Variants in ZFAND3 observed in about 807,000 individuals in gnomAD.
ZFAND3 encodes zinc finger AN1-type containing 3, also known as AN1-type zinc finger protein 3.
Under a neutral mutation model 29.6 loss-of-function variants are expected in ZFAND3, and 10 were observed. That is an observed-to-expected ratio of 0.34 (90% CI 0.21 to 0.57). The LOEUF is 0.57. Among genes scored for constraint, ZFAND3 ranks in the 20% least tolerant of loss-of-function variants. ZFAND3 has a pLI of 0.86. For missense variants in ZFAND3, 230 were observed against 304.5 expected (o/e 0.76, Z 1.82); for synonymous variants, 128 against 112.6 (o/e 1.14, Z -0.87).
At chr6:37,978,507 T>C (rs1007191542) in intron 2 of ZFAND3, among the ~76,000 whole-genome samples, 2 of 152,194 alleles carry the variant, frequency 1.3e-5, no homozygotes, top group African/African-American at 4.8e-5. Flanking sequence ...TTAGAGTTGC[T>C]GTTGTTTCTT....
Position 38,152,260 on chromosome 6 carries a change from C to T in ZFAND3, c.555C>T (p.Arg185=). ...RCGYVFCMLH[R]LPEQHDCTFD... is the part of the protein sequence containing the mutation. ...GTTATGTGTTCTGTATGTTACATCG[C>T]CTCCCCGAGCAGCACGACTGCACAT... The change falls in exon 6 of 6, where the codon CGC becomes CGT. Residue 185 remains arginine, a synonymous_variant. Transcript: ENST00000287218. The T allele has an allele frequency of 6.3e-7, 1 of 1,575,140 alleles. No homozygotes were observed. The highest frequency in any genetic ancestry group is 8.6e-7 in the Non-Finnish European group (1 of 1,162,320).
intron 1 of ZFAND3, among the ~76,000 whole-genome samples, chr6:37,879,298 C>G (rs1764848535): frequency 6.6e-6 from 1 of 152,032 alleles, no homozygotes; most frequent in Non-Finnish European, 1.5e-5. Context: ...TCTGCTTTAC[C>G]TCTAATTCCA....
intron 2 of ZFAND3, among the ~76,000 whole-genome samples, chr6:37,963,931 G>A (rs987588707): frequency 6.6e-6 from 1 of 152,098 alleles, no homozygotes; most frequent in Non-Finnish European, 1.5e-5. Context: ...TCTCAATTAT[G>A]AGTCTGTTAT....
intron 1 of ZFAND3, among the ~76,000 whole-genome samples, chr6:37,847,966 A>G (rs1436785549): frequency 6.6e-6 from 1 of 152,260 alleles, no homozygotes; most frequent in Non-Finnish European, 1.5e-5. Flanking sequence ...GTGGCCTAAA[A>G]GCGTAAAATA....
intron 1 of ZFAND3, among the ~76,000 whole-genome samples, chr6:37,868,766 T>A (rs1764636194): frequency 6.6e-6 from 1 of 152,224 alleles, no homozygotes; most frequent in Non-Finnish European, 1.5e-5. Context: ...AGACTCCATT[T>A]GTTAGTGCAG....
chr6:37,878,658 G>A (rs1764837848), intron 1 of ZFAND3, among the ~76,000 whole-genome samples: 1 of 152,216 alleles, frequency 6.6e-6, no homozygotes. Context: ...CCTGCTGGTT[G>A]TGTAGTTTCT....
intron 1 of ZFAND3, among the ~76,000 whole-genome samples, chr6:37,913,258 ACTT>A (rs1028148923): frequency 6.6e-6 from 1 of 152,168 alleles, no homozygotes; most frequent in Non-Finnish European, 1.5e-5. Context: ...CCACAGTAGA[ACTT>A]CTTTCAGAAT....
At chr6:38,077,611 G>A (rs1412896140) in intron 3 of ZFAND3, among the ~76,000 whole-genome samples, 1 of 152,124 alleles carries the variant, frequency 6.6e-6, no homozygotes, top group Admixed American at 6.5e-5. Context: ...TCTAATTGAT[G>A]TGCTGTTATT....
chr6:37,903,741 A>C (rs1428762987), intron 1 of ZFAND3, among the ~76,000 whole-genome samples: 2 of 152,226 alleles, frequency 1.3e-5, no homozygotes, highest in Non-Finnish European at 2.9e-5. Flanking sequence ...TTAAACGTGC[A>C]ATTCATAAAA....
At chr6:37,877,715 C>T (rs1764818932) in intron 1 of ZFAND3, among the ~76,000 whole-genome samples, 1 of 152,140 alleles carries the variant, frequency 6.6e-6, no homozygotes, top group Non-Finnish European at 1.5e-5. Context: ...CCCAGGGAGG[C>T]TCACAACAAA....
chr6:38,030,051 GATATATATATAT>G (rs58560520), intron 2 of ZFAND3, among the ~76,000 whole-genome samples: 2,717 of 94,306 alleles, frequency 0.029, 51 homozygotes, highest in East Asian at 0.038. Flanking sequence ...AGTTCTGCTG[GATATATATATAT>G]ATATATATAT....
chr6:38,096,852 C>A (rs1037489260), intron 4 of ZFAND3, among the ~76,000 whole-genome samples: 2 of 151,696 alleles, frequency 1.3e-5, no homozygotes, highest in South Asian at 2.1e-4. Context: ...AATGTTCTTT[C>A]CTTATTTATG....
chr6:37,875,229 T>A lies in ZFAND3; in HGVS notation c.72-54730T>A, dbSNP rs1764770237. Among the ~76,000 whole-genome samples, 3 of 152,130 alleles carry A rather than the reference T, an allele frequency of 2.0e-5. No individual in the cohort carries two copies. In the South Asian group the frequency reaches 6.2e-4, roughly 31 times the overall value. On this transcript the variant is annotated intron_variant, in intron 1 of 5. Transcript: ENST00000287218. ...TAATAGACTCACCCTGGCCCCCCAA[T>A]TGGAGATATTTTTGGGAGTGGATTG... is the stretch of plus-strand genomic sequence containing the variant.
chr6:37,954,898 C>T (rs542325192), intron 2 of ZFAND3, among the ~76,000 whole-genome samples: 123 of 152,344 alleles, frequency 8.1e-4, no homozygotes, highest in African/African-American at 2.8e-3. Context: ...GAGTTTCAAC[C>T]TTGCCTTGTG....
intron 4 of ZFAND3, among the ~76,000 whole-genome samples, chr6:38,083,832 A>G (rs950613579): frequency 1.3e-5 from 2 of 151,560 alleles, no homozygotes; most frequent in Non-Finnish European, 2.9e-5. Flanking sequence ...TCCATCTTCT[A>G]GGTAGATCTG....
rs542087847 is a variant in ZFAND3 at position 38,119,192 on chromosome 6, G to A, written c.529+2453G>A. 1.2e-4 allele frequency among the ~76,000 whole-genome samples: 18 copies of A among 152,212 alleles called. 1 individual carries two copies. In the South Asian group the frequency reaches 3.7e-3, roughly 32 times the overall value. ...ATGGGAACATGCCATAAAAAAGTCT[G>A]GGACTGTTTTTGACAAAGAGCTCTT... is the stretch of plus-strand genomic sequence containing the variant. On this transcript the variant is annotated intron_variant, in intron 5 of 5. Transcript: ENST00000287218.
At chr6:38,064,575 A>G (rs1383503389) in intron 3 of ZFAND3, among the ~76,000 whole-genome samples, 3 of 152,084 alleles carry the variant, frequency 2.0e-5, no homozygotes, top group African/African-American at 7.2e-5. Context: ...GGCAAGAGGA[A>G]TGCTTTCTCT....
chr6:37,927,729 C>T (rs1438862774), intron 1 of ZFAND3, among the ~76,000 whole-genome samples: 1 of 152,214 alleles, frequency 6.6e-6, no homozygotes, highest in East Asian at 1.9e-4. Flanking sequence ...AGAAGCTTTA[C>T]TTTCTCAGGG....
chr6:38,112,700 A>G lies in ZFAND3; in HGVS notation c.362-3872A>G, dbSNP rs183109192. On this transcript the variant is annotated intron_variant, in intron 4 of 5. Coordinates refer to ENST00000287218, the MANE Select transcript of ZFAND3 (RefSeq NM_021943.3). The stretch of plus-strand genomic sequence containing the variant: ...TCCTGGTAGTCTTTTTCTAATTGAC[A>G]TAAAACTTACAAATGAATAGTTGAA... 2.9e-3 allele frequency among the ~76,000 whole-genome samples: 441 copies of G among 152,326 alleles called. 1 individual carries two copies. Among genetic ancestry groups the G allele is most frequent in the Non-Finnish European group, 5.0e-3 (342 of 68,044 alleles).
Sources: gnomAD v4.1 joint callset for allele counts (sites outside exome capture counted in the v4.1 genomes callset) on GRCh38, gnomAD v4.1.1 for gene constraint, MANE v1.5 for transcripts, NCBI Gene and HGNC (gene_info 2026-07-23, HGNC 2026-07-21) for gene names.